The following EYS variants were observed in gnomAD, a reference collection of about 807,000 sequenced individuals.
EYS encodes the protein EGF-like photoreceptor maintenance factor, also known as protein eyes shut homolog.
Under a neutral mutation model 282.1 loss-of-function variants are expected in EYS, and 250 were observed. The ratio of observed to expected loss-of-function variants is 0.89; its 90% confidence interval spans 0.80 to 0.98. EYS has a LOEUF of 0.98. EYS is among the 50% of genes least tolerant of loss of function. The probability of loss-of-function intolerance (pLI) is 0.00; values close to 1 mark genes in which losing one functional copy is unlikely to be tolerated. For missense variants in EYS, 4,016 were observed against 3,709.0 expected (o/e 1.08, Z -2.15); for synonymous variants, 1,355 against 1,282.9 (o/e 1.06, Z -1.20).
intron 12 of EYS, among the ~76,000 whole-genome samples, chr6:65,097,528 C>A (rs771912163): frequency 3.3e-5 from 5 of 150,718 alleles, no homozygotes; most frequent in Non-Finnish European, 7.5e-5. Context: ...AATCAGGACT[C>A]GATGAAATAG....
intron 29 of EYS, among the ~76,000 whole-genome samples, chr6:64,323,487 A>T (rs1203666741): frequency 6.6e-6 from 1 of 152,104 alleles, no homozygotes; most frequent in African/African-American, 2.4e-5. Context: ...TGTTTCATGT[A>T]CAGATTTGTG....
At chr6:64,683,149 G>A (rs1222508372) in intron 22 of EYS, among the ~76,000 whole-genome samples, 1 of 152,164 alleles carries the variant, frequency 6.6e-6, no homozygotes, top group Non-Finnish European at 1.5e-5. Context: ...TCTGCTAAAG[G>A]CAGAATCAAC....
intron 2 of EYS, among the ~76,000 whole-genome samples, chr6:65,513,394 T>A (rs1319737466): frequency 1.3e-5 from 2 of 152,124 alleles, no homozygotes; most frequent in Non-Finnish European, 2.9e-5. Flanking sequence ...CTTCTGAAAC[T>A]ATTCCAATCA....
intron 2 of EYS, among the ~76,000 whole-genome samples, chr6:65,502,446 C>T (rs920576667): frequency 2.0e-5 from 3 of 151,362 alleles, no homozygotes; most frequent in African/African-American, 7.3e-5. Context: ...AAGAGAGTGC[C>T]GAATGTTCTC....
rs10583844 is a variant in EYS at position 65,604,842 on chromosome 6, CTTT to C, written c.-333+34933_-333+34935del. Among the ~76,000 whole-genome samples, 311 of 130,378 alleles carry C rather than the reference CTTT, an allele frequency of 2.4e-3. 3 individuals carry two copies. The highest frequency in any genetic ancestry group is 4.2e-3 in the Middle Eastern group (1 of 238). 85.5% of individuals were successfully genotyped at this position (130,378 alleles called of 152,430 possible). On this transcript the variant is annotated intron_variant, in intron 2 of 42. Transcript: ENST00000503581. The stretch of plus-strand genomic sequence containing the variant: ...AAAAGACCTTTAAATTCACTGCCCC[CTTT>C]TTTTTTTTTTTTTTTTGAGACAGGG...
Position 65,219,051 on chromosome 6 carries a change from C to T in EYS, c.2023+76812G>A, listed in dbSNP as rs950296635. ...ATTTCTTTATTATGATCTCAGCAAG[C>T]CTTAATTTACATAGAAGATATATCT... On this transcript the variant is annotated intron_variant, in intron 12 of 42. Transcript: ENST00000503581. 6.6e-5 allele frequency among the ~76,000 whole-genome samples: 10 copies of T among 152,066 alleles called. No homozygotes were observed. The East Asian group carries it at 1.9e-3, about 29-fold the overall frequency.
At chr6:65,095,441 G>GAA (rs1048587551) in intron 12 of EYS, among the ~76,000 whole-genome samples, 1 of 135,886 alleles carries the variant, frequency 7.4e-6, no homozygotes. Flanking sequence ...GTTGTCACCA[G>GAA]AAAAAAAAAA....
intron 40 of EYS, 142 bp downstream of exon 40, chr6:63,777,864 T>C: frequency 1.3e-6 from 1 of 783,160 alleles, no homozygotes; most frequent in Non-Finnish European, 2.1e-6. Flanking sequence ...TGTCCTCCCA[T>C]CATGTAACAA....
At chr6:64,085,936 G>C (rs1348862537) in intron 31 of EYS, among the ~76,000 whole-genome samples, 1 of 152,156 alleles carries the variant, frequency 6.6e-6, no homozygotes, top group Non-Finnish European at 1.5e-5. Context: ...CTGATGCCTA[G>C]AAATCTCCAT....
intron 13 of EYS, among the ~76,000 whole-genome samples, chr6:65,017,111 T>C (rs72877810): frequency 2.2e-4 from 33 of 152,292 alleles, no homozygotes; most frequent in Non-Finnish European, 4.3e-4. Context: ...TAGACTCTAT[T>C]TACATTGGAC....
intron 12 of EYS, among the ~76,000 whole-genome samples, chr6:65,236,020 T>C (rs1456988379): frequency 6.6e-6 from 1 of 152,104 alleles, no homozygotes; most frequent in South Asian, 2.1e-4. Context: ...ATTTCCTTGA[T>C]TTTTGAATTA....
rs1179571963 is a variant in EYS, at chr6:65,312,533, A to G, written c.1767-16414T>C. Among the ~76,000 whole-genome samples, 6 of 152,160 alleles carry G rather than the reference A, an allele frequency of 3.9e-5. No individual in the cohort carries two copies. In the East Asian group the frequency reaches 5.8e-4, roughly 15 times the overall value. On this transcript the variant is annotated intron_variant, in intron 11 of 42. Coordinates refer to ENST00000503581, the MANE Select transcript of EYS (RefSeq NM_001142800.2). ...TAAGTGCCATGAAAACCTGCATTCT[A>G]TCCCCTCATCCCCCACCCATGTCTA... is the stretch of plus-strand genomic sequence containing the variant.
At chr6:64,239,612 T>C (rs1766728173) in intron 30 of EYS, among the ~76,000 whole-genome samples, 1 of 147,772 alleles carries the variant, frequency 6.8e-6, no homozygotes, top group Non-Finnish European at 1.5e-5. Flanking sequence ...TTTTTTTTTT[T>C]CTTCTAAATT....
In EYS at chr6:65,495,435, T is replaced by G. The variant is rs747410473; in HGVS notation, c.-25A>C. 1 of 1,603,894 alleles carries G rather than the reference T, an allele frequency of 6.2e-7. No homozygotes were observed. The highest frequency in any genetic ancestry group is 2.2e-5 in the East Asian group (1 of 44,842). On this transcript the variant is annotated 5_prime_UTR_variant, in exon 4 of 43. Transcript: ENST00000503581. The stretch of plus-strand genomic sequence containing the variant: ...TTTTCGGGTAGCTGTATTTTACAGT[T>G]TATCATAAAGAATTGCTGCAAAATG...
chr6:64,234,861 C>T (rs9451157), intron 30 of EYS, among the ~76,000 whole-genome samples: 7,697 of 149,710 alleles, frequency 0.051, 608 homozygotes, highest in African/African-American at 0.18. Context: ...CATGTTGTTG[C>T]ACGTATCAGA....
intron 33 of EYS, among the ~76,000 whole-genome samples, chr6:64,005,496 G>T (rs1022933198): frequency 3.3e-5 from 5 of 152,074 alleles, no homozygotes; most frequent in South Asian, 2.1e-4. Flanking sequence ...GTCAAGTTTT[G>T]TTTCGGATGC....
At chr6:64,440,899 C>A (rs1333985651) in intron 26 of EYS, among the ~76,000 whole-genome samples, 1 of 152,128 alleles carries the variant, frequency 6.6e-6, no homozygotes, top group Non-Finnish European at 1.5e-5. Flanking sequence ...GAATTTCACT[C>A]ATCATGACAT....
intron 24 of EYS, among the ~76,000 whole-genome samples, chr6:64,593,684 A>T (rs1034437908): frequency 6.6e-6 from 1 of 152,198 alleles, no homozygotes; most frequent in Non-Finnish European, 1.5e-5. Context: ...CTAAAAGTCA[A>T]ATTTAGTTGG....
At chr6:64,778,750 A>G (rs1773761859) in intron 22 of EYS, among the ~76,000 whole-genome samples, 1 of 152,200 alleles carries the variant, frequency 6.6e-6, no homozygotes, top group African/African-American at 2.4e-5. Flanking sequence ...TGTTTCACCA[A>G]ATAAGATATA....
Sources: allele counts gnomAD v4.1 joint callset (sites outside exome capture counted in the v4.1 genomes callset), GRCh38; gene constraint gnomAD v4.1.1; transcripts MANE v1.5; gene names NCBI Gene and HGNC (gene_info 2026-07-23, HGNC 2026-07-21).